Variants in RSPO2 observed in about 807,000 individuals in gnomAD.
RSPO2 encodes R-spondin 2.
RSPO2 carries 14 observed loss-of-function variants against 30.9 expected under a neutral mutation model. The ratio of observed to expected loss-of-function variants is 0.45; its 90% CI spans 0.30 to 0.71. RSPO2 has a LOEUF of 0.71. Ranked by LOEUF, RSPO2 falls within the 30% of genes least tolerant of loss-of-function variation. RSPO2 has a pLI of 0.08. For synonymous variants in RSPO2, 107 were observed against 96.4 expected (o/e 1.11, Z -0.64); for missense variants, 264 against 301.9 (o/e 0.87, Z 0.93).
intron 2 of RSPO2, among the ~76,000 whole-genome samples, chr8:108,080,900 C>CA (rs1384897277): frequency 1.3e-5 from 2 of 152,134 alleles, no homozygotes; most frequent in African/African-American, 4.8e-5. Flanking sequence ...ATAATGTAAT[C>CA]AAAAATTGCT....
chr8:107,923,076 A>G (rs1586545898), intron 5 of RSPO2, among the ~76,000 whole-genome samples: 1 of 152,312 alleles, frequency 6.6e-6, no homozygotes, highest in East Asian at 1.9e-4. Flanking sequence ...AAATTGACAA[A>G]TGGGATCTAA....
intron 5 of RSPO2, among the ~76,000 whole-genome samples, chr8:107,924,823 C>CAG (rs1050643678): frequency 6.5e-5 from 1 of 15,268 alleles, no homozygotes; most frequent in African/African-American, 9.8e-5. Flanking sequence ...ACCTAACATG[C>CAG]ACACACACAC....
intron 5 of RSPO2, among the ~76,000 whole-genome samples, chr8:107,940,617 A>C (rs1036286081): frequency 2.6e-5 from 4 of 152,188 alleles, no homozygotes; most frequent in African/African-American, 7.2e-5. Flanking sequence ...TCTTGGCCCA[A>C]GGCCATTTAG....
Position 107,939,541 on chromosome 8 carries a change from G to T in RSPO2, c.616+18539C>A, listed in dbSNP as rs151257636. Among the ~76,000 whole-genome samples, 441 of 141,056 alleles carry T rather than the reference G, an allele frequency of 3.1e-3. 2 individuals are homozygous for T. Among genetic ancestry groups the T allele is most frequent in the Middle Eastern group, 0.016 (4 of 256 alleles). The allele number at this position is 141,056 out of a possible 152,430, so 92.5% of individuals were successfully genotyped here. A position where few individuals can be genotyped will look rare whatever the true frequency, so the allele number is the denominator to read the frequency against. On this transcript the variant is annotated intron_variant, in intron 5 of 5. Coordinates refer to ENST00000276659, the MANE Select transcript of RSPO2 (RefSeq NM_178565.5). ...CTACTGTGCTTTTGACTCTGGTTCT[G>T]CTGTTCAATAACTTAAAAATGAAGA...
At chr8:108,069,231 A>ACT (rs886222986) in intron 2 of RSPO2, among the ~76,000 whole-genome samples, 2 of 148,282 alleles carry the variant, frequency 1.3e-5, no homozygotes, top group African/African-American at 5.1e-5. Flanking sequence ...ACACACACAC[A>ACT]CTCACAGAGT....
At chr8:107,979,074 T>C (rs371573438) in intron 3 of RSPO2, among the ~76,000 whole-genome samples, 50 of 152,070 alleles carry the variant, frequency 3.3e-4, no homozygotes, top group East Asian at 2.7e-3. Context: ...CACTTTTACA[T>C]TGTTGGTGGG....
At chr8:107,994,768 CT>C (rs1814957710) in intron 2 of RSPO2, among the ~76,000 whole-genome samples, 1 of 152,042 alleles carries the variant, frequency 6.6e-6, no homozygotes, top group Non-Finnish European at 1.5e-5. Flanking sequence ...ATTATTGAAA[CT>C]TTTAGCTTTG....
At chr8:108,003,270 T>C (rs985880332) in intron 2 of RSPO2, among the ~76,000 whole-genome samples, 2 of 87,996 alleles carry the variant, frequency 2.3e-5, no homozygotes, top group Non-Finnish European at 4.4e-5. Context: ...TGTGTGTGTG[T>C]GTGTGTGTAT....
intron 1 of RSPO2, 192 bp from the exon 2 acceptor site, chr8:108,082,999 A>C: frequency 1.7e-5 from 4 of 229,766 alleles, no homozygotes; most frequent in East Asian, 9.8e-5. Flanking sequence ...GGTGATTATA[A>C]TCAGTGAATT....
intron 2 of RSPO2, among the ~76,000 whole-genome samples, chr8:108,037,471 A>G (rs1393171377): frequency 6.6e-6 from 1 of 152,232 alleles, no homozygotes; most frequent in East Asian, 1.9e-4. Flanking sequence ...TCTCCATAAC[A>G]TGAAAGTGCA....
intron 2 of RSPO2, among the ~76,000 whole-genome samples, chr8:108,061,555 A>G (rs1195638808): frequency 6.6e-5 from 10 of 151,848 alleles, no homozygotes; most frequent in African/African-American, 2.4e-4. Context: ...GAGACCTACA[A>G]AGAGACTTAG....
At chr8:108,021,161 T>C (rs144605464) in intron 2 of RSPO2, among the ~76,000 whole-genome samples, 1 of 152,304 alleles carries the variant, frequency 6.6e-6, no homozygotes, top group East Asian at 1.9e-4. Context: ...GAAAAATCCC[T>C]AAGGCTTGGT....
chr8:107,923,932 G>T (rs1812270283), intron 5 of RSPO2, among the ~76,000 whole-genome samples: 1 of 151,982 alleles, frequency 6.6e-6, no homozygotes, highest in South Asian at 2.1e-4. Context: ...AAACTCTGGG[G>T]CCTATCGGGG....
intron 2 of RSPO2, among the ~76,000 whole-genome samples, chr8:107,997,619 G>T (rs903417868): frequency 4.6e-5 from 7 of 152,108 alleles, no homozygotes; most frequent in African/African-American, 1.7e-4. Context: ...TAGGGATTTA[G>T]CAAACAAGAA....
chr8:108,045,992 T>C (rs768336521), intron 2 of RSPO2, among the ~76,000 whole-genome samples: 3 of 152,152 alleles, frequency 2.0e-5, no homozygotes, highest in Non-Finnish European at 4.4e-5. Flanking sequence ...CAGGCATACA[T>C]AAGTAAATAT....
intron 3 of RSPO2, among the ~76,000 whole-genome samples, chr8:107,962,336 C>T (rs1412703292): frequency 6.6e-6 from 1 of 152,080 alleles, no homozygotes; most frequent in Non-Finnish European, 1.5e-5. Context: ...GTGTCTAGAC[C>T]TATTAAAAAT....
intron 2 of RSPO2, among the ~76,000 whole-genome samples, chr8:108,030,000 C>G (rs956175663): frequency 6.7e-6 from 1 of 150,254 alleles, no homozygotes; most frequent in African/African-American, 2.5e-5. Context: ...AGCCAGAGTT[C>G]AAACATTTTT....
chr8:107,999,688 G>A (rs1815162937), intron 2 of RSPO2, among the ~76,000 whole-genome samples: 1 of 152,094 alleles, frequency 6.6e-6, no homozygotes, highest in Non-Finnish European at 1.5e-5. Context: ...GCCTGCCTCA[G>A]CCTCCCAAAG....
At chr8:107,951,058 TGTTG>T (rs1813230260) in intron 5 of RSPO2, among the ~76,000 whole-genome samples, 3 of 150,342 alleles carry the variant, frequency 2.0e-5, no homozygotes, top group Non-Finnish European at 2.9e-5. Flanking sequence ...TTTTTGTTGT[TGTTG>T]TTGTTGTTGT....
Sources: allele counts gnomAD v4.1 joint callset (sites outside exome capture counted in the v4.1 genomes callset), GRCh38; gene constraint gnomAD v4.1.1; transcripts MANE v1.5; gene names NCBI Gene and HGNC (gene_info 2026-07-23, HGNC 2026-07-21).